Variants in ZNF438 observed in about 807,000 individuals in gnomAD.
ZNF438 encodes zinc finger protein 438.
ZNF438 carries 25 observed loss-of-function variants against 38.0 expected under a neutral mutation model. The observed-to-expected ratio is 0.66, with a 90% confidence interval of 0.48 to 0.92. The LOEUF (loss-of-function observed/expected upper bound fraction) is 0.92. Ranked by LOEUF, ZNF438 falls within the 40% of genes least tolerant of loss-of-function variation. ZNF438 has a pLI of 0.00. For synonymous variants in ZNF438, 372 were observed against 364.1 expected (o/e 1.02, Z -0.25); for missense variants, 1,007 against 999.6 (o/e 1.01, Z -0.10).
intron 3 of ZNF438, among the ~76,000 whole-genome samples, chr10:30,879,319 G>A (rs908041065): frequency 9.2e-5 from 14 of 152,274 alleles, no homozygotes; most frequent in Middle Eastern, 3.4e-3. Context: ...CTGGTTTCAC[G>A]TAAATCTTAA....
At chr10:30,933,946 A>C (rs1421728373) in intron 2 of ZNF438, among the ~76,000 whole-genome samples, 1 of 152,052 alleles carries the variant, frequency 6.6e-6, no homozygotes, top group African/African-American at 2.4e-5. Context: ...GGAGATCGAG[A>C]CCATCCTGGC....
intron 4 of ZNF438, among the ~76,000 whole-genome samples, chr10:30,872,425 C>CAAAAAAAAAAAAAAAAAAAAAAAA (rs566401687): frequency 5.1e-5 from 3 of 58,674 alleles, no homozygotes; most frequent in Admixed American, 2.3e-4. Flanking sequence ...GACTCTGTCT[C>CAAAAAAAAAAAAAAAAAAAAAAAA]AAAAAAAAAA....
chr10:31,001,075 C>G (rs1420068963), intron 1 of ZNF438, among the ~76,000 whole-genome samples: 2 of 152,166 alleles, frequency 1.3e-5, no homozygotes, highest in Non-Finnish European at 2.9e-5. Context: ...CTCTACAACC[C>G]ATTGCACTCA....
intron 1 of ZNF438, among the ~76,000 whole-genome samples, chr10:30,998,871 C>T (rs1001417963): frequency 6.6e-6 from 1 of 152,050 alleles, no homozygotes; most frequent in African/African-American, 2.4e-5. Context: ...ACTTTGAAAA[C>T]TAAACAATTT....
intron 3 of ZNF438, among the ~76,000 whole-genome samples, chr10:30,886,731 C>T (rs1275538142): frequency 6.6e-6 from 1 of 152,180 alleles, no homozygotes; most frequent in East Asian, 1.9e-4. Flanking sequence ...ATGGCTTTCG[C>T]ACCATTGTAA....
intron 1 of ZNF438, among the ~76,000 whole-genome samples, chr10:31,010,890 TTGAAA>T (rs1221579696): frequency 2.5e-4 from 18 of 72,568 alleles, no homozygotes; most frequent in African/African-American, 1.6e-3. Flanking sequence ...GAGACCCTGT[TTGAAA>T]AAAAAAAAAA....
At chr10:30,985,648 G>A (rs1469093366) in intron 1 of ZNF438, among the ~76,000 whole-genome samples, 1 of 152,196 alleles carries the variant, frequency 6.6e-6, no homozygotes, top group Non-Finnish European at 1.5e-5. Flanking sequence ...TTAAAAATCA[G>A]TTTAGAAGTT....
chr10:30,955,888 C>G (rs911456047), intron 1 of ZNF438, among the ~76,000 whole-genome samples: 1 of 152,178 alleles, frequency 6.6e-6, no homozygotes, highest in African/African-American at 2.4e-5. Flanking sequence ...TAACTGAAAG[C>G]AGAAACCTGA....
At chr10:30,931,072 C>A (rs1003928955) in intron 2 of ZNF438, among the ~76,000 whole-genome samples, 1 of 152,108 alleles carries the variant, frequency 6.6e-6, no homozygotes, top group Non-Finnish European at 1.5e-5. Flanking sequence ...ACCAGTTTAC[C>A]CCATTCCCAG....
At chr10:30,996,841 G>A (rs1226501193) in intron 1 of ZNF438, among the ~76,000 whole-genome samples, 1 of 152,060 alleles carries the variant, frequency 6.6e-6, no homozygotes, top group African/African-American at 2.4e-5. Context: ...ATCACACAAA[G>A]AATGTTCTCT....
chr10:30,976,858 C>G (rs935119446), intron 1 of ZNF438, among the ~76,000 whole-genome samples: 2 of 151,794 alleles, frequency 1.3e-5, no homozygotes, highest in Admixed American at 6.6e-5. Flanking sequence ...ACTTATAGAA[C>G]TACAAATAAT....
intron 2 of ZNF438, among the ~76,000 whole-genome samples, chr10:30,911,945 C>T (rs2134587793): frequency 6.6e-6 from 1 of 152,222 alleles, no homozygotes; most frequent in East Asian, 1.9e-4. Context: ...TGCCTAATCC[C>T]ATTCTCTCCC....
chr10:30,973,452 T>A (rs1432300408), intron 1 of ZNF438, among the ~76,000 whole-genome samples: 2 of 152,226 alleles, frequency 1.3e-5, no homozygotes, highest in African/African-American at 2.4e-5. Context: ...TGAATGTTGA[T>A]CTCTGCATCC....
chr10:30,953,812 G>A (rs1429333725), intron 1 of ZNF438, among the ~76,000 whole-genome samples: 1 of 152,130 alleles, frequency 6.6e-6, no homozygotes, highest in Non-Finnish European at 1.5e-5. Flanking sequence ...TTCTTATGCA[G>A]TGGGAAGTTT....
chr10:30,941,059 C>CATTTTGTTTTATTTT (rs1564690502), intron 2 of ZNF438, among the ~76,000 whole-genome samples: 2 of 150,240 alleles, frequency 1.3e-5, no homozygotes, highest in Non-Finnish European at 3.0e-5. Context: ...TAAAACTGAA[C>CATTTTGTTTTATTTT]ATTTTATTTT....
rs184437153 is a variant in ZNF438, at chr10:30,982,291, C to T, written c.-191-40640G>A. Among the ~76,000 whole-genome samples the T allele has an allele frequency of 7.2e-3, 1,100 of 151,734 alleles. 8 individuals carry two copies. The highest frequency in any genetic ancestry group is 0.011 in the Non-Finnish European group (763 of 67,878). ...TAATTTTTTGTATTTTTAGTAGAGA[C>T]GGGGTTTCTCCATGTTAGCCGGGAT... On this transcript the variant is annotated intron_variant, in intron 1 of 5. Transcript: ENST00000413025.
At position 30,912,482 on chromosome 10, in the gene ZNF438, A is replaced by G. The variant is rs370913004; in HGVS notation, c.-114-3467T>C. On this transcript the variant is annotated intron_variant, in intron 2 of 5. Transcript: ENST00000413025. ...TCTCACTTTATATTCTCTCCCTAGG[A>G]TATCTCATCCATTTCACAGAGATGT... Among the ~76,000 whole-genome samples, 271 of 152,210 alleles carry G rather than the reference A, an allele frequency of 1.8e-3. 3 individuals carry two copies. In the South Asian group the frequency reaches 0.03, roughly 17 times the overall value.
Position 30,884,462 on chromosome 10 carries a change from T to A in ZNF438, c.-31-7397A>T, listed in dbSNP as rs143290954. Among the ~76,000 whole-genome samples, 324 of 152,296 alleles carry A rather than the reference T, an allele frequency of 2.1e-3. 5 individuals carry two copies. The highest frequency in any genetic ancestry group is 0.018 in the East Asian group (94 of 5,188). On this transcript the variant is annotated intron_variant, in intron 3 of 5. Coordinates refer to ENST00000413025, the Ensembl canonical transcript of ZNF438. ...AACCTTATACGATTCCTTGAGTAAGTGTGCATTTTTACTCAAGGAATCATA... is the reference window on the plus strand; with the variant it reads ...AACCTTATACGATTCCTTGAGTAAGAGTGCATTTTTACTCAAGGAATCATA...
intron 1 of ZNF438, among the ~76,000 whole-genome samples, chr10:30,949,508 C>T (rs529840576): frequency 6.6e-6 from 1 of 152,326 alleles, no homozygotes; most frequent in South Asian, 2.1e-4. Flanking sequence ...GGAAACCCAT[C>T]TCATGTGCAG....
Sources: allele counts gnomAD v4.1 joint callset (sites outside exome capture counted in the v4.1 genomes callset), GRCh38; gene constraint gnomAD v4.1.1; transcripts MANE v1.5; gene names NCBI Gene and HGNC (gene_info 2026-07-23, HGNC 2026-07-21).